The following LRRFIP2 variants were observed in gnomAD, a reference collection of about 807,000 sequenced individuals.
LRRFIP2 encodes leucine-rich repeat flightless-interacting protein 2.
Under a neutral mutation model 125.9 loss-of-function variants are expected in LRRFIP2, and 109 were observed. That is an observed-to-expected ratio of 0.87 (90% CI 0.74 to 1.01). The LOEUF (loss-of-function observed/expected upper bound fraction) is 1.01, where lower values mean the gene tolerates loss of function less well. Among genes scored for constraint, LRRFIP2 ranks in the 50% least tolerant of loss-of-function variants. The pLI is 0.00. For missense variants in LRRFIP2, 850 were observed against 862.3 expected, an observed-to-expected ratio of 0.99 and a Z score of 0.18; for synonymous variants, 291 against 293.1, an observed-to-expected ratio of 0.99 and a Z score of 0.07.
chr3:37,062,917 A>G (rs1213227798), intron 24 of LRRFIP2, among the ~76,000 whole-genome samples: 3 of 152,212 alleles, frequency 2.0e-5, no homozygotes, highest in Non-Finnish European at 2.9e-5. Context: ...AATCACATGC[A>G]AAGAAAATCT....
intron 2 of LRRFIP2, among the ~76,000 whole-genome samples, chr3:37,134,228 C>G (rs1375491620): frequency 1.3e-5 from 2 of 151,636 alleles, no homozygotes; most frequent in African/African-American, 4.8e-5. Flanking sequence ...TTTGATCACT[C>G]CCAGAACAAA....
chr3:37,162,643 G>A (rs557825408), intron 1 of LRRFIP2, among the ~76,000 whole-genome samples: 4 of 152,268 alleles, frequency 2.6e-5, no homozygotes, highest in African/African-American at 4.8e-5. Flanking sequence ...AACCAACAGA[G>A]AGGGAAACTT....
chr3:37,152,625 T>C (rs906738726), intron 1 of LRRFIP2, among the ~76,000 whole-genome samples: 1 of 152,060 alleles, frequency 6.6e-6, no homozygotes, highest in Non-Finnish European at 1.5e-5. Context: ...GTAATTTTAG[T>C]AGAGACGGGG....
chr3:37,103,820 G>A (rs554959365), intron 14 of LRRFIP2, among the ~76,000 whole-genome samples: 2 of 152,042 alleles, frequency 1.3e-5, no homozygotes, highest in East Asian at 1.9e-4. Context: ...TCTCTTTCAC[G>A]AGGATATAAA....
rs1214741082 is a variant in LRRFIP2, at chr3:37,052,683, TTTA to T, written c.*1165_*1167del. On this transcript the variant is annotated 3_prime_UTR_variant, in exon 28 of 28. Transcript: ENST00000336686. ...TTGAGTTACCTTTTTAAAGTCTAGT[TTTA>T]TTATCTTATGTGCCTTTAGTCACTA... The T allele has an allele frequency of 6.6e-6, 1 of 152,168 alleles. No homozygotes were observed. Among genetic ancestry groups the T allele is most frequent in the African/African-American group, 2.4e-5 (1 of 41,460 alleles). 9.4% of individuals were successfully genotyped at this position (152,168 alleles called of 1,614,324 possible).
chr3:37,076,876 A>C (rs1464094929), intron 19 of LRRFIP2, among the ~76,000 whole-genome samples: 1 of 152,228 alleles, frequency 6.6e-6, no homozygotes, highest in Non-Finnish European at 1.5e-5. Flanking sequence ...TAAAAAACAA[A>C]CAAACAAAAA....
intron 19 of LRRFIP2, 65 bp downstream of exon 19, chr3:37,083,571 C>T: frequency 2.5e-6 from 3 of 1,207,644 alleles, no homozygotes; most frequent in Non-Finnish European, 3.4e-6. Flanking sequence ...CTGCAATCTT[C>T]CATCACTTTG....
intron 25 of LRRFIP2, among the ~76,000 whole-genome samples, chr3:37,056,040 G>GT (rs1273904979): frequency 4.0e-5 from 6 of 151,858 alleles, no homozygotes; most frequent in Admixed American, 6.6e-5. Context: ...TTTAAACATC[G>GT]TATGTGTAAG....
intron 2 of LRRFIP2, among the ~76,000 whole-genome samples, chr3:37,131,297 T>C (rs1280919337): frequency 6.6e-6 from 1 of 152,188 alleles, no homozygotes; most frequent in African/African-American, 2.4e-5. Flanking sequence ...CAGTAAAATA[T>C]TACCTTCTAT....
At chr3:37,101,896 C>T (rs188513666) in intron 15 of LRRFIP2, among the ~76,000 whole-genome samples, 2 of 152,160 alleles carry the variant, frequency 1.3e-5, no homozygotes, top group Non-Finnish European at 2.9e-5. Context: ...AAGACAAATG[C>T]CCCAAGGACA....
intron 17 of LRRFIP2, 126 bp from the exon 18 acceptor site, chr3:37,091,664 C>A: frequency 1.5e-6 from 1 of 672,252 alleles, no homozygotes; most frequent in Non-Finnish European, 2.5e-6. Flanking sequence ...AATCAAAGTA[C>A]AAAAACATAA....
chr3:37,074,159 T>C (rs914941769), intron 20 of LRRFIP2, among the ~76,000 whole-genome samples: 13 of 152,134 alleles, frequency 8.5e-5, no homozygotes, highest in Non-Finnish European at 1.8e-4. Context: ...GAGAGACATA[T>C]TAAGAGGTAG....
At chr3:37,098,252 A>C (rs912672977) in intron 15 of LRRFIP2, among the ~76,000 whole-genome samples, 11 of 152,212 alleles carry the variant, frequency 7.2e-5, no homozygotes, top group African/African-American at 2.7e-4. Context: ...TAAATGTTTC[A>C]AAGCAGGTAA....
rs2094527375 is a variant in LRRFIP2 at position 37,110,995 on chromosome 3, G to A, written c.509C>T (p.Thr170Ile). Residue 170 changes from threonine to isoleucine, a missense_variant, in exon 9 of 28, where the codon ACT becomes ATT. Transcript: ENST00000336686. Reference sequence around the variant, plus strand: ...GCCAAAAAAGTTTAGACAAACCCGAGTGTAGTAGGCAGAGGTGGGTTTGCT... The same window carrying A: ...GCCAAAAAAGTTTAGACAAACCCGAATGTAGTAGGCAGAGGTGGGTTTGCT... ...RHSKPTSAYY[T>I]RQSSSLYSDP... The A allele has an allele frequency of 6.2e-7, 1 of 1,613,504 alleles. No homozygotes were observed. Among genetic ancestry groups the A allele is most frequent in the Non-Finnish European group, 8.5e-7 (1 of 1,179,680 alleles).
chr3:37,140,600 G>A (rs1174406042), intron 2 of LRRFIP2, among the ~76,000 whole-genome samples: 3 of 147,324 alleles, frequency 2.0e-5, no homozygotes, highest in East Asian at 2.0e-4. Context: ...GCGTGGTAGC[G>A]CAAGATCATG....
intron 19 of LRRFIP2, 135 bp downstream of exon 19, chr3:37,083,501 T>C: frequency 7.4e-6 from 4 of 542,008 alleles, no homozygotes; most frequent in Non-Finnish European, 1.3e-5. Context: ...TCTCATGGTG[T>C]TCTGTCAATT....
chr3:37,081,711 G>A (rs4678936), intron 19 of LRRFIP2, among the ~76,000 whole-genome samples: 14,407 of 141,956 alleles, frequency 0.1, 910 homozygotes, highest in Admixed American at 0.17. Context: ...TGGTGAAACC[G>A]TTTCTATAAA....
chr3:37,094,973 A>G lies in LRRFIP2; in HGVS notation c.919-65T>C, dbSNP rs6769698. ...TAAAAATATGTTTGCTGTGGAAACTAAAAACAGGGCAGGGTGGTTGGGGGA... is the reference window on the plus strand; with the variant it reads ...TAAAAATATGTTTGCTGTGGAAACTGAAAACAGGGCAGGGTGGTTGGGGGA... On this transcript the variant is annotated intron_variant, in intron 16 of 27. Transcript: ENST00000336686. The G allele has an allele frequency of 1.6e-3, 1,594 of 1,026,086 alleles. 23 individuals carry two copies. The African/African-American group carries it at 0.023, about 14-fold the overall frequency. 63.6% of individuals were successfully genotyped at this position (1,026,086 alleles called of 1,614,324 possible).
intron 15 of LRRFIP2, among the ~76,000 whole-genome samples, chr3:37,097,053 A>C (rs1226454934): frequency 6.6e-6 from 1 of 152,164 alleles, no homozygotes; most frequent in Non-Finnish European, 1.5e-5. Context: ...TCTAAACATT[A>C]TTAGGACACA....
Sources: gnomAD v4.1 joint callset for allele counts (sites outside exome capture counted in the v4.1 genomes callset) on GRCh38, gnomAD v4.1.1 for gene constraint, MANE v1.5 for transcripts, NCBI Gene and HGNC (gene_info 2026-07-23, HGNC 2026-07-21) for gene names.